Variants in VPS13A observed in about 807,000 individuals in gnomAD.
The protein encoded by VPS13A is vacuolar protein sorting 13 homolog A.
Under a neutral mutation model 390.9 loss-of-function variants are expected in VPS13A, and 264 were observed. The ratio of observed to expected loss-of-function variants is 0.68; its 90% CI spans 0.61 to 0.75. VPS13A has a LOEUF of 0.75. Among genes scored for constraint, VPS13A ranks in the 30% least tolerant of loss-of-function variants. VPS13A has a pLI of 0.00. For synonymous variants in VPS13A, 1,231 were observed against 1,227.1 expected (o/e 1.00, Z -0.07); for missense variants, 3,409 against 3,733.9 (o/e 0.91, Z 2.27).
At chr9:77,227,311 C>G (rs1456296376) in intron 15 of VPS13A, 80 bp from the exon 16 acceptor site, 11 of 1,013,406 alleles carry the variant, frequency 1.1e-5, no homozygotes, top group African/African-American at 1.6e-5. Context: ...ATTTCACATT[C>G]TGTTTATTAA....
chr9:77,403,981 A>C (rs1439948671), intron 69 of VPS13A, among the ~76,000 whole-genome samples: 2 of 152,166 alleles, frequency 1.3e-5, no homozygotes, highest in Non-Finnish European at 2.9e-5. Flanking sequence ...ATGAAAGGTA[A>C]AGTTATATGA....
chr9:77,236,659 A>G (rs1824164323), intron 17 of VPS13A, among the ~76,000 whole-genome samples: 1 of 152,210 alleles, frequency 6.6e-6, no homozygotes, highest in African/African-American at 2.4e-5. Flanking sequence ...TGTTTGCTCT[A>G]ATTGAATGAT....
chr9:77,324,964 G>A lies in VPS13A; in HGVS notation c.5991+1737G>A, dbSNP rs148140731. 4.4e-4 allele frequency among the ~76,000 whole-genome samples: 67 copies of A among 152,184 alleles called. 1 individual carries two copies. The East Asian group carries it at 0.012, about 27-fold the overall frequency. ...ATTTTTCCACGGGTGGGGGGCTGGG[G>A]CATATAGTCTCAGGATTCCTTTCTT... On this transcript the variant is annotated intron_variant, in intron 45 of 71. Coordinates refer to ENST00000360280, the MANE Select transcript of VPS13A (RefSeq NM_033305.3).
rs949451033 is a variant in VPS13A, at chr9:77,238,153, A to G, written c.1747A>G (p.Ile583Val). The G allele has an allele frequency of 3.7e-6, 6 of 1,613,694 alleles. No homozygotes were observed. Among genetic ancestry groups the G allele is most frequent in the African/African-American group, 1.3e-5 (1 of 74,926 alleles). ...PLDETVSQRC[I>V]IEAEPLEIIY... is the part of the protein sequence containing the mutation. ...AGATGAAACTGTTTCTCAGAGGTGT[A>G]TCATAGAAGCTGAACCTTTAGAAAT... The change falls in exon 18 of 72, where the codon ATC becomes GTC. Residue 583 changes from isoleucine to valine, a missense_variant. By Grantham distance (29) the Ile-to-Val change is conservative (BLOSUM62 3). This residue lies in a region of VPS13A where 2,717 missense variants were observed against 2,917.4 expected (regional missense o/e 0.93). Transcript: ENST00000360280.
At chr9:77,276,362 T>A in intron 26 of VPS13A, 141 bp downstream of exon 26, 3 of 791,598 alleles carry the variant, frequency 3.8e-6, no homozygotes, top group Non-Finnish European at 5.6e-6. Flanking sequence ...AGTTAATCTT[T>A]AACTTTTATA....
intron 32 of VPS13A, 88 bp from the exon 33 acceptor site, chr9:77,295,454 A>T (rs1411574942): frequency 9.5e-6 from 11 of 1,157,422 alleles, no homozygotes; most frequent in Admixed American, 3.2e-5. Flanking sequence ...GTTTTTTTTT[A>T]AATGGAGGTA....
intron 3 of VPS13A, among the ~76,000 whole-genome samples, chr9:77,205,046 TACAGAGAA>T (rs1825557061): frequency 6.6e-6 from 1 of 152,228 alleles, no homozygotes; most frequent in African/African-American, 2.4e-5. Flanking sequence ...TTGTTTATGG[TACAGAGAA>T]CTGTAAATAG....
At chr9:77,254,185 C>T (rs1323823211) in intron 22 of VPS13A, among the ~76,000 whole-genome samples, 6 of 151,934 alleles carry the variant, frequency 3.9e-5, no homozygotes, top group Admixed American at 6.6e-5. Flanking sequence ...CCTCGTGATC[C>T]GCCCGCCTCG....
At chr9:77,310,126 G>A (rs796863650) in intron 35 of VPS13A, among the ~76,000 whole-genome samples, 1 of 152,072 alleles carries the variant, frequency 6.6e-6, no homozygotes, top group Non-Finnish European at 1.5e-5. Context: ...AGTTTTCTTA[G>A]ACTTCTTCAT....
chr9:77,260,840 T>C (rs1312729796), intron 23 of VPS13A, among the ~76,000 whole-genome samples: 5 of 152,136 alleles, frequency 3.3e-5, no homozygotes, highest in African/African-American at 4.8e-5. Context: ...AGTACACACA[T>C]GCACAAGAAC....
intron 17 of VPS13A, among the ~76,000 whole-genome samples, chr9:77,236,792 G>C (rs11145354): frequency 0.018 from 2,743 of 152,196 alleles, 56 homozygotes; most frequent in African/African-American, 0.049. Context: ...TCTTAGCTGC[G>C]CCCATATTAA....
chr9:77,402,279 GAA>G (rs1834425744), intron 68 of VPS13A, among the ~76,000 whole-genome samples: 1 of 152,100 alleles, frequency 6.6e-6, no homozygotes, highest in South Asian at 2.1e-4. Context: ...AGATAAAAAT[GAA>G]AACTATCAAT....
At chr9:77,336,122 A>G (rs1037927355) in intron 46 of VPS13A, among the ~76,000 whole-genome samples, 2 of 152,152 alleles carry the variant, frequency 1.3e-5, no homozygotes, top group African/African-American at 2.4e-5. Flanking sequence ...CAAACACCGC[A>G]TGTTCTCACT....
rs1253773440 is a variant in VPS13A, at chr9:77,407,497, TTATC to T, written c.9400-34_9400-31del. 3 of 1,546,454 alleles carry T rather than the reference TTATC, an allele frequency of 1.9e-6. No individual in the cohort carries two copies. The South Asian group carries it at 3.4e-5, about 17-fold the overall frequency. On this transcript the variant is annotated intron_variant, in intron 70 of 71. Coordinates refer to ENST00000360280, the MANE Select transcript of VPS13A (RefSeq NM_033305.3). ...TTCTTTATGGATTTTTACAACCAGA[TTATC>T]TTTTTAATGAATTTACATATTCTGT...
At position 77,294,079 on chromosome 9, in the gene VPS13A, AT is replaced by A. The variant is rs34595058; in HGVS notation, c.3507+581del. The stretch of plus-strand genomic sequence containing the variant: ...TCACCATGCACATACCACCAAGCTA[AT>A]TTTTTTTTTCTTCAAGTTTTTATAG... On this transcript the variant is annotated intron_variant, in intron 32 of 71. Transcript: ENST00000360280. 4.1e-3 allele frequency among the ~76,000 whole-genome samples: 606 copies of A among 149,600 alleles called. 3 individuals are homozygous for A. The highest frequency in any genetic ancestry group is 6.8e-3 in the Middle Eastern group (2 of 292).
In VPS13A at chr9:77,359,349, A is replaced by G; in HGVS notation, c.8052A>G (p.Thr2684=). The change falls in exon 58 of 72, where the codon ACA becomes ACG. Residue 2684 remains threonine (T), a synonymous_variant. Coordinates refer to ENST00000360280, the MANE Select transcript of VPS13A (RefSeq NM_033305.3). ...CCTTTACAGCACCAAAGCCCTTTAC[A>G]GATGTCAGTATTGTCATGAGATCTG... ...VTMDSAPKPF[T]DVSIVMRSAG... is the part of the protein sequence containing the mutation. 6.2e-7 allele frequency: 1 copy of G among 1,613,654 alleles called. No individual in the cohort carries two copies. The highest frequency in any genetic ancestry group is 2.2e-5 in the East Asian group (1 of 44,786).
chr9:77,198,137 G>GT (rs1371166418), intron 1 of VPS13A, among the ~76,000 whole-genome samples: 1 of 152,000 alleles, frequency 6.6e-6, no homozygotes, highest in Non-Finnish European at 1.5e-5. Flanking sequence ...ACTGTAGAAT[G>GT]TACTGTATTT....
chr9:77,411,660 C>CAAAA lies in VPS13A; in HGVS notation c.9474+4075_9474+4078dup, dbSNP rs1169254413. On this transcript the variant is annotated intron_variant, in intron 71 of 71. Coordinates refer to ENST00000360280, the MANE Select transcript of VPS13A (RefSeq NM_033305.3). ...CCTAGGCAACAGCAAAACTCCATCT[C>CAAAA]AAAAAAAAAAAAAAAAAAAAAAAAA... Among the ~76,000 whole-genome samples, 53 of 33,916 alleles carry CAAAA rather than the reference C, an allele frequency of 1.6e-3. 5 individuals are homozygous for CAAAA. Among genetic ancestry groups the CAAAA allele is most frequent in the African/African-American group, 3.8e-3 (32 of 8,328 alleles). The allele number at this position is 33,916 out of a possible 152,430, so 22.3% of individuals were successfully genotyped here.
At chr9:77,350,441 G>T (rs1036485605) in intron 52 of VPS13A, among the ~76,000 whole-genome samples, 1 of 152,052 alleles carries the variant, frequency 6.6e-6, no homozygotes, top group Non-Finnish European at 1.5e-5. Context: ...TCTCTAGCTT[G>T]GTTGGAAAAA....
Sources: gnomAD v4.1 joint callset for allele counts (sites outside exome capture counted in the v4.1 genomes callset) on GRCh38, gnomAD v4.1.1 for gene constraint, gnomAD v4.1.1 regional missense constraint, MANE v1.5 for transcripts, NCBI Gene and HGNC (gene_info 2026-07-23, HGNC 2026-07-21) for gene names.